Variants in CNOT6 observed in about 807,000 individuals in gnomAD.
CNOT6 encodes carbon catabolite repression 4 protein.
A neutral mutation model predicts 61.2 loss-of-function variants in CNOT6; 12 were observed. The ratio of observed to expected loss-of-function variants is 0.20; its 90% CI spans 0.13 to 0.32. The LOEUF (loss-of-function observed/expected upper bound fraction) is 0.32, where lower values mean the gene tolerates loss of function less well. CNOT6 is among the 10% of genes least tolerant of loss of function. The pLI is 1.00. For synonymous variants in CNOT6, 225 were observed against 240.6 expected (o/e 0.94, Z 0.60); for missense variants, 405 against 663.9 (o/e 0.61, Z 4.28).
intron 1 of CNOT6, among the ~76,000 whole-genome samples, chr5:180,501,647 C>T (rs1171674092): frequency 6.6e-6 from 1 of 152,122 alleles, no homozygotes; most frequent in East Asian, 1.9e-4. Context: ...ATGGACTCTG[C>T]TGAAGGGAAT....
chr5:180,564,841 A>G (rs6874985), intron 6 of CNOT6, 98 bp downstream of exon 6: 469,532 of 923,514 alleles, frequency 0.51, 124,849 homozygotes, highest in Non-Finnish European at 0.55. Context: ...CATTAAGACA[A>G]AATGTTTAAG....
rs769852255 is a variant in CNOT6, at chr5:180,504,955, A to ATTTTTTTTT, written c.-3+10206_-3+10214dup. On this transcript the variant is annotated intron_variant, in intron 1 of 11. Coordinates refer to ENST00000261951, the MANE Select transcript of CNOT6 (RefSeq NM_001370472.1). ...AATGAAAGTTCTGAGGTACTAGTTAATTTTTTTTTTTTTTTTTTTTTTGAG... is the reference window on the plus strand; with the variant it reads ...AATGAAAGTTCTGAGGTACTAGTTAATTTTTTTTTTTTTTTTTTTTTTTTTTTTTTTGAG... 6.1e-4 allele frequency among the ~76,000 whole-genome samples: 62 copies of ATTTTTTTTT among 101,500 alleles called. 1 individual carries two copies. Among genetic ancestry groups the ATTTTTTTTT allele is most frequent in the African/African-American group, 1.0e-3 (26 of 25,420 alleles). The allele number at this position is 101,500 out of a possible 152,430, so 66.6% of individuals were successfully genotyped here. A position where few individuals can be genotyped will look rare whatever the true frequency, so the allele number is the denominator to read the frequency against.
intron 3 of CNOT6, among the ~76,000 whole-genome samples, chr5:180,551,656 ATGT>A (rs1184750878): frequency 6.6e-6 from 1 of 152,134 alleles, no homozygotes; most frequent in African/African-American, 2.4e-5. Context: ...GTACTATTTC[ATGT>A]TAACTGACTT....
chr5:180,519,824 A>T (rs1581491114), intron 1 of CNOT6, among the ~76,000 whole-genome samples: 2 of 134,824 alleles, frequency 1.5e-5, no homozygotes, highest in Non-Finnish European at 3.2e-5. Context: ...AAATTTGGTT[A>T]TCCATTTGCT....
rs991274532 is a variant in CNOT6, at chr5:180,576,755, C to T, written c.*2555C>T. On this transcript the variant is annotated 3_prime_UTR_variant, in exon 12 of 12. Transcript: ENST00000261951. The stretch of plus-strand genomic sequence containing the variant: ...AAAGGTTTCATGTTTTAGATATTTT[C>T]CGTGTCCTAAATAATTTTCAATAAT... 9 of 152,164 alleles carry T rather than the reference C, an allele frequency of 5.9e-5. No homozygotes were observed. The highest frequency in any genetic ancestry group is 2.2e-4 in the African/African-American group (9 of 41,448). 9.4% of individuals were successfully genotyped at this position (152,164 alleles called of 1,614,324 possible).
In CNOT6 at chr5:180,501,065, A is replaced by G. The variant is rs576774220; in HGVS notation, c.-3+6302A>G. 3.9e-5 allele frequency among the ~76,000 whole-genome samples: 6 copies of G among 152,298 alleles called. No homozygotes were observed. In the South Asian group the frequency reaches 1.2e-3, roughly 32 times the overall value. On this transcript the variant is annotated intron_variant, in intron 1 of 11. Transcript: ENST00000261951. ...TCAGAAACAGCTTGTGAATAGTTGTAGGGTTTTTCTTAAAGTGTTGAGATT... is the reference window on the plus strand; with the variant it reads ...TCAGAAACAGCTTGTGAATAGTTGTGGGGTTTTTCTTAAAGTGTTGAGATT...
intron 4 of CNOT6, among the ~76,000 whole-genome samples, chr5:180,557,648 T>C (rs1759966351): frequency 6.6e-6 from 1 of 152,208 alleles, no homozygotes; most frequent in African/African-American, 2.4e-5. Context: ...CACATATTTC[T>C]CTCAGTATGT....
intron 1 of CNOT6, among the ~76,000 whole-genome samples, chr5:180,503,969 A>G (rs933686403): frequency 1.1e-4 from 17 of 152,146 alleles, no homozygotes; most frequent in African/African-American, 3.4e-4. Flanking sequence ...GGTTAATTTG[A>G]TAATATAGGA....
rs553461111 is a variant in CNOT6 at position 180,508,041 on chromosome 5, A to G, written c.-3+13278A>G. The stretch of plus-strand genomic sequence containing the variant: ...CATTTGGGTGGGAACACAGACCCAG[A>G]CCATATCAGACCGTATCTAGGATGG... On this transcript the variant is annotated intron_variant, in intron 1 of 11. Transcript: ENST00000261951. 5.9e-5 allele frequency among the ~76,000 whole-genome samples: 9 copies of G among 152,194 alleles called. No individual in the cohort carries two copies. In the East Asian group the frequency reaches 1.7e-3, roughly 29 times the overall value.
chr5:180,547,916 C>A (rs1348809352), intron 2 of CNOT6, among the ~76,000 whole-genome samples: 2 of 151,954 alleles, frequency 1.3e-5, no homozygotes. Flanking sequence ...GTATTTTTAG[C>A]AGAGATGGGG....
rs1759321124 is a variant in CNOT6, at chr5:180,546,511, C to T, written c.113-3420C>T. ...CACCTCTTTACATGCAGATAATAGCCCAACAGTACACTTTTGTTTCCTCCT... is the reference window on the plus strand; with the variant it reads ...CACCTCTTTACATGCAGATAATAGCTCAACAGTACACTTTTGTTTCCTCCT... On this transcript the variant is annotated intron_variant, in intron 2 of 11. Coordinates refer to ENST00000261951, the MANE Select transcript of CNOT6 (RefSeq NM_001370472.1). 1.3e-5 allele frequency among the ~76,000 whole-genome samples: 2 copies of T among 152,136 alleles called. 1 individual carries two copies. The highest frequency in any genetic ancestry group is 4.1e-4 in the South Asian group (2 of 4,822).
chr5:180,550,023 G>C lies in CNOT6; in HGVS notation c.205G>C (p.Asp69His). 1 of 1,614,068 alleles carries C rather than the reference G, an allele frequency of 6.2e-7. No individual in the cohort carries two copies. The highest frequency in any genetic ancestry group is 1.3e-5 in the African/African-American group (1 of 75,004). The change falls in exon 3 of 12, where the codon GAC becomes CAC. Residue 69 changes from aspartate to histidine, a missense_variant. By Grantham distance (81) the Asp-to-His change is moderately conservative. Transcript: ENST00000261951. ...CAATTCCCTGTCCCGAATTCCTTCA[G>C]ACATTGCCAAGCTTCACAATCTGGT... ...SDNSLSRIPS[D>H]IAKLHNLVYL...
At chr5:180,524,538 A>C (rs1758010034) in intron 1 of CNOT6, among the ~76,000 whole-genome samples, 1 of 152,090 alleles carries the variant, frequency 6.6e-6, no homozygotes, top group South Asian at 2.1e-4. Context: ...TAAAATGATG[A>C]GTACTTTAAA....
At chr5:180,550,445 A>G (rs909652970) in intron 3 of CNOT6, among the ~76,000 whole-genome samples, 2 of 152,244 alleles carry the variant, frequency 1.3e-5, no homozygotes, top group South Asian at 4.1e-4. Flanking sequence ...GCGAGAGTCC[A>G]TCTCAAAAAA....
At chr5:180,515,671 C>T (rs1757601045) in intron 1 of CNOT6, among the ~76,000 whole-genome samples, 1 of 152,086 alleles carries the variant, frequency 6.6e-6, no homozygotes, top group South Asian at 2.1e-4. Context: ...GTTAGTGTCA[C>T]TGCCTTTTCA....
intron 2 of CNOT6, among the ~76,000 whole-genome samples, chr5:180,543,027 CTT>C (rs1174905330): frequency 6.6e-6 from 1 of 152,050 alleles, no homozygotes; most frequent in Non-Finnish European, 1.5e-5. Context: ...TGTTACTAAT[CTT>C]TTAAACTCTG....
At chr5:180,572,058 GC>G (rs1183906495) in intron 11 of CNOT6, among the ~76,000 whole-genome samples, 1 of 152,136 alleles carries the variant, frequency 6.6e-6, no homozygotes, top group Non-Finnish European at 1.5e-5. Context: ...TAGATATGCA[GC>G]ACCATAATTA....
At chr5:180,555,010 C>CT (rs34968726) in intron 4 of CNOT6, among the ~76,000 whole-genome samples, 2,909 of 140,466 alleles carry the variant, frequency 0.021, 82 homozygotes, top group African/African-American at 0.065. Context: ...CACAAATTTG[C>CT]TTTTTTTTTT....
intron 1 of CNOT6, among the ~76,000 whole-genome samples, chr5:180,523,242 T>TCG (rs1329254149): frequency 6.6e-6 from 1 of 152,208 alleles, no homozygotes; most frequent in Non-Finnish European, 1.5e-5. Context: ...CAGTTGCTTC[T>TCG]CAGGTACCCC....
Sources: gnomAD v4.1 joint callset for allele counts (sites outside exome capture counted in the v4.1 genomes callset) on GRCh38, gnomAD v4.1.1 for gene constraint, MANE v1.5 for transcripts, NCBI Gene and HGNC (gene_info 2026-07-23, HGNC 2026-07-21) for gene names.